The following PRKRIP1 variants were observed in gnomAD, a reference collection of about 807,000 sequenced individuals.
PRKRIP1 encodes PRKR-interacting protein 1.
A neutral mutation model predicts 29.3 loss-of-function variants in PRKRIP1; 29 were observed. That is an observed-to-expected ratio of 0.99 (90% CI 0.74 to 1.35). The LOEUF is 1.35. Ranked by LOEUF, PRKRIP1 falls within the 40% of genes most tolerant of loss-of-function variation. PRKRIP1 has a pLI of 0.00. For missense variants in PRKRIP1, 247 were observed against 236.8 expected (o/e 1.04, Z -0.28); for synonymous variants, 90 against 85.1 (o/e 1.06, Z -0.32).
intron 5 of PRKRIP1, among the ~76,000 whole-genome samples, chr7:102,408,994 T>G (rs1012304233): frequency 6.6e-6 from 1 of 152,044 alleles, no homozygotes; most frequent in Non-Finnish European, 1.5e-5. Context: ...GCCAACGTGG[T>G]GAAACCCCAT....
intron 4 of PRKRIP1, among the ~76,000 whole-genome samples, chr7:102,406,853 A>G (rs1796236998): frequency 6.6e-6 from 1 of 151,778 alleles, no homozygotes; most frequent in Non-Finnish European, 1.5e-5. Flanking sequence ...AAACATAAAC[A>G]AGTAATAAGT....
chr7:102,401,594 G>A (rs1462202281), intron 3 of PRKRIP1, among the ~76,000 whole-genome samples: 4 of 152,138 alleles, frequency 2.6e-5, no homozygotes, highest in South Asian at 4.1e-4. Context: ...TTAGCCGGGC[G>A]TGGTGGCACA....
intron 5 of PRKRIP1, among the ~76,000 whole-genome samples, chr7:102,421,820 A>G (rs574333622): frequency 6.6e-6 from 1 of 151,852 alleles, no homozygotes; most frequent in African/African-American, 2.4e-5. Flanking sequence ...AGTGTCCAGT[A>G]ACCCTTTAAT....
At chr7:102,397,489 T>C in intron 1 of PRKRIP1, 131 bp from the exon 2 acceptor site, 1 of 689,922 alleles carries the variant, frequency 1.4e-6, no homozygotes, top group South Asian at 1.8e-5. Flanking sequence ...AAGGCTGCAG[T>C]GAGCTCTGAT....
chr7:102,421,962 G>A (rs782476659), intron 5 of PRKRIP1, among the ~76,000 whole-genome samples: 6 of 152,054 alleles, frequency 3.9e-5, no homozygotes, highest in Non-Finnish European at 5.9e-5. Flanking sequence ...TGAATGGCCC[G>A]TCATATTTAT....
intron 5 of PRKRIP1, among the ~76,000 whole-genome samples, chr7:102,413,462 A>G (rs1013258123): frequency 6.6e-6 from 1 of 152,238 alleles, no homozygotes; most frequent in Non-Finnish European, 1.5e-5. Context: ...GAAAAGAACA[A>G]CATCAAAAAT....
intron 3 of PRKRIP1, among the ~76,000 whole-genome samples, chr7:102,401,293 T>C (rs768351663): frequency 6.6e-6 from 1 of 152,250 alleles, no homozygotes; most frequent in Non-Finnish European, 1.5e-5. Context: ...GAGCAGTGGA[T>C]ATATCTGCTG....
In PRKRIP1 at chr7:102,407,516, T is replaced by C. The variant is rs781892046; in HGVS notation, c.457+18T>C. The C allele has an allele frequency of 1.3e-6, 2 of 1,587,388 alleles. No individual in the cohort carries two copies. The highest frequency in any genetic ancestry group is 4.5e-5 in the East Asian group (2 of 44,764). On this transcript the variant is annotated intron_variant, in intron 5 of 5. Transcript: ENST00000397912. Reference sequence around the variant, plus strand: ...ACAAGAAGGTGAGTGGTGCCCACTTTTCTTGGCTGTAGCTTCTTTCTTCTT... The same window carrying C: ...ACAAGAAGGTGAGTGGTGCCCACTTCTCTTGGCTGTAGCTTCTTTCTTCTT...
At chr7:102,411,784 TC>T (rs1168585461) in intron 5 of PRKRIP1, among the ~76,000 whole-genome samples, 1 of 148,254 alleles carries the variant, frequency 6.7e-6, no homozygotes, top group Non-Finnish European at 1.5e-5. Flanking sequence ...TTTCTCCACA[TC>T]CTCACCAACA....
intron 5 of PRKRIP1, among the ~76,000 whole-genome samples, chr7:102,410,112 C>G (rs958264206): frequency 1.3e-5 from 2 of 152,106 alleles, no homozygotes; most frequent in Non-Finnish European, 2.9e-5. Context: ...TGGAATGTGC[C>G]TCCAACCCCC....
At chr7:102,407,588 T>C in intron 5 of PRKRIP1, 90 bp downstream of exon 5, 1 of 948,874 alleles carries the variant, frequency 1.1e-6, no homozygotes, top group East Asian at 2.4e-5. Flanking sequence ...GACGGAGAGT[T>C]TGGGCTGGTT....
chr7:102,397,537 A>G, intron 1 of PRKRIP1, 83 bp from the exon 2 acceptor site: 1 of 1,119,866 alleles, frequency 8.9e-7, no homozygotes, highest in Non-Finnish European at 1.3e-6. Flanking sequence ...CAGAGCAAGA[A>G]CCTGTCTCTA....
At chr7:102,419,859 G>A (rs1332169618) in intron 5 of PRKRIP1, among the ~76,000 whole-genome samples, 1 of 48,314 alleles carries the variant, frequency 2.1e-5, no homozygotes, top group Admixed American at 1.7e-4. Flanking sequence ...GTGTGTGTGT[G>A]TGTGTGTGTG....
At chr7:102,419,843 TTTTGTGTGTGTGTG>T (rs1439268342) in intron 5 of PRKRIP1, among the ~76,000 whole-genome samples, 33 of 133,536 alleles carry the variant, frequency 2.5e-4, no homozygotes, top group African/African-American at 7.4e-4. Flanking sequence ...TTTTTTGTGT[TTTTGTGTGTGTGTG>T]TGTGTGTGTG....
At position 102,425,878 on chromosome 7, in the gene PRKRIP1, A is replaced by G. The variant is rs1796818516; in HGVS notation, c.*767A>G. ...GCCGGACGGGGGTTCTCTCACCAAC[A>G]GCTGTGATTTCATCCCGAAGTGGAA... On this transcript the variant is annotated 3_prime_UTR_variant, in exon 6 of 6. Coordinates refer to ENST00000397912, the MANE Select transcript of PRKRIP1 (RefSeq NM_024653.4). 1 of 153,868 alleles carries G rather than the reference A, an allele frequency of 6.5e-6. No individual in the cohort carries two copies. Among genetic ancestry groups the G allele is most frequent in the Non-Finnish European group, 1.5e-5 (1 of 68,676 alleles). The allele number at this position is 153,868 out of a possible 1,614,324, so 9.5% of individuals were successfully genotyped here. A position where few individuals can be genotyped will look rare whatever the true frequency, so the allele number is the denominator to read the frequency against.
chr7:102,417,821 A>G (rs574049752), intron 5 of PRKRIP1, among the ~76,000 whole-genome samples: 22 of 151,672 alleles, frequency 1.5e-4, no homozygotes, highest in African/African-American at 5.1e-4. Context: ...GGGTCTCGCT[A>G]TATGGCCCAG....
In PRKRIP1 at chr7:102,426,426, T is replaced by C. The variant is rs11444; in HGVS notation, c.*1315T>C. 0.19 allele frequency: 28,416 copies of C among 152,660 alleles called. 2,741 individuals carry two copies. The highest frequency in any genetic ancestry group is 0.27 in the South Asian group (1,314 of 4,830). 9.5% of individuals were successfully genotyped at this position (152,660 alleles called of 1,614,324 possible). A position where few individuals can be genotyped will look rare whatever the true frequency, so the allele number is the denominator to read the frequency against. On this transcript the variant is annotated 3_prime_UTR_variant, in exon 6 of 6. Coordinates refer to ENST00000397912, the MANE Select transcript of PRKRIP1 (RefSeq NM_024653.4). The stretch of plus-strand genomic sequence containing the variant: ...GCCCCGAGTTCCTGAGTCTATTTTA[T>C]GCCCCTTACGTACTTTGATAGAACT...
intron 2 of PRKRIP1, 152 bp downstream of exon 2, chr7:102,397,850 C>G: frequency 1.7e-6 from 1 of 596,188 alleles, no homozygotes; most frequent in Non-Finnish European, 2.9e-6. Context: ...TCGAGACCAT[C>G]CTGGCTAACA....
chr7:102,419,666 A>G (rs563539855), intron 5 of PRKRIP1, among the ~76,000 whole-genome samples: 1 of 152,128 alleles, frequency 6.6e-6, no homozygotes, highest in Admixed American at 6.5e-5. Context: ...GCCTTTCCAG[A>G]TTGGCTTCTT....
Sources: gnomAD v4.1 joint callset for allele counts (sites outside exome capture counted in the v4.1 genomes callset) on GRCh38, gnomAD v4.1.1 for gene constraint, MANE v1.5 for transcripts, NCBI Gene and HGNC (gene_info 2026-07-23, HGNC 2026-07-21) for gene names.